BAG1: variants seen among roughly 807,000 people sequenced by gnomAD.
BAG1 encodes BAG cochaperone 1, also known as BAG family molecular chaperone regulator 1.
In BAG1, 35 loss-of-function variants were observed where a neutral mutation model predicts 35.5. That is an observed-to-expected ratio of 0.99 (90% CI 0.75 to 1.31). The LOEUF (loss-of-function observed/expected upper bound fraction) is 1.31, where lower values mean the gene tolerates loss of function less well. Among genes scored for constraint, BAG1 ranks in the 50% most tolerant of loss-of-function variants. The pLI is 0.00. For synonymous variants in BAG1, 191 were observed against 178.9 expected (o/e 1.07, Z -0.54); for missense variants, 464 against 453.6 (o/e 1.02, Z -0.21).
rs1820389133 is a variant in BAG1 at position 33,253,827 on chromosome 9, CTTTT to C, written c.*1388_*1391del. The C allele has an allele frequency of 1.4e-5, 2 of 138,442 alleles. No individual in the cohort carries two copies. The highest frequency in any genetic ancestry group is 4.2e-4 in the East Asian group (2 of 4,778). The allele number at this position is 138,442 out of a possible 1,614,324, so 8.6% of individuals were successfully genotyped here. A position where few individuals can be genotyped will look rare whatever the true frequency, so the allele number is the denominator to read the frequency against. On this transcript the variant is annotated 3_prime_UTR_variant, in exon 7 of 7. Transcript: ENST00000634734. ...ATGAGCACATAAACAGTTTTTTTTT[CTTTT>C]TATTTATCTACTTTTACTTACTTAA...
At chr9:33,256,983 G>T in intron 4 of BAG1, 75 bp from the exon 5 acceptor site, 2 of 1,097,570 alleles carry the variant, frequency 1.8e-6, no homozygotes, top group Non-Finnish European at 2.8e-6. Context: ...TACTAATGAT[G>T]CAATCACACT....
At chr9:33,264,203 C>T in intron 1 of BAG1, 21 bp downstream of exon 1, 1 of 1,579,258 alleles carries the variant, frequency 6.3e-7, no homozygotes, top group Non-Finnish European at 8.6e-7. Context: ...GCATGGAGCC[C>T]ACCTGGCGCC....
chr9:33,262,565 G>A (rs543447105), intron 2 of BAG1, 137 bp downstream of exon 2: 50 of 957,806 alleles, frequency 5.2e-5, no homozygotes, highest in Admixed American at 9.3e-5. Context: ...GCTGAGGCAG[G>A]AGAATCACTT....
chr9:33,264,180 G>A, intron 1 of BAG1, 44 bp downstream of exon 1: 1 of 1,543,288 alleles, frequency 6.5e-7, no homozygotes, highest in Non-Finnish European at 8.7e-7. Flanking sequence ...ACCCCGCCGG[G>A]CTTTCGGGAC....
At chr9:33,261,560 A>G (rs1188757431) in intron 2 of BAG1, among the ~76,000 whole-genome samples, 1 of 152,140 alleles carries the variant, frequency 6.6e-6, no homozygotes, top group East Asian at 1.9e-4. Context: ...CTGATGACAC[A>G]GTGTTATTAT....
chr9:33,256,711 A>G, intron 5 of BAG1, 90 bp downstream of exon 5: 1 of 1,074,536 alleles, frequency 9.3e-7, no homozygotes, highest in Non-Finnish European at 1.4e-6. Flanking sequence ...GGGTTTGCTC[A>G]GGCAATAGGA....
intron 6 of BAG1, 21 bp downstream of exon 6, chr9:33,255,844 G>A (rs1236933469): frequency 1.6e-5 from 25 of 1,603,078 alleles, no homozygotes; most frequent in Middle Eastern, 1.7e-4. Context: ...ACACCTTGTC[G>A]TGCACTATTA....
At chr9:33,259,984 T>G (rs1022314239) in intron 3 of BAG1, 2 of 152,224 alleles carry the variant, frequency 1.3e-5, no homozygotes, top group East Asian at 3.8e-4. Context: ...AGAGGTAGAT[T>G]AGACTTAAGT....
chr9:33,257,234 T>A, intron 4 of BAG1: 2 of 234,488 alleles, frequency 8.5e-6, no homozygotes, highest in Non-Finnish European at 8.3e-6. Flanking sequence ...AGCCTACGCC[T>A]GAAAACTGAC....
chr9:33,256,752 GAAAT>G (rs1564078788), intron 5 of BAG1, 45 bp downstream of exon 5: 1 of 1,472,702 alleles, frequency 6.8e-7, no homozygotes, highest in African/African-American at 1.4e-5. Context: ...GAATGTGACT[GAAAT>G]AAAGTCAAAG....
chr9:33,255,804 T>TAAAC, intron 6 of BAG1, 61 bp downstream of exon 6: 1 of 1,546,910 alleles, frequency 6.5e-7, no homozygotes, highest in South Asian at 1.1e-5. Flanking sequence ...TTTGAACAGA[T>TAAAC]AAACACACAT....
intron 6 of BAG1, 71 bp from the exon 7 acceptor site, chr9:33,255,379 G>A: frequency 3.1e-6 from 5 of 1,607,164 alleles, no homozygotes; most frequent in Non-Finnish European, 4.2e-6. Flanking sequence ...AAGGCTCCTT[G>A]CTTACCCATT....
chr9:33,258,118 C>G (rs545880554), intron 4 of BAG1: 1 of 151,872 alleles, frequency 6.6e-6, no homozygotes, highest in African/African-American at 2.4e-5. Flanking sequence ...TGGTGAAACC[C>G]CATCTCTATT....
rs565124425 is a variant in BAG1, at chr9:33,264,439, C to A, written c.236G>T (p.Arg79Leu). The A allele has an allele frequency of 2.4e-5, 38 of 1,613,658 alleles. No homozygotes were observed. In the Admixed American group the frequency reaches 2.7e-4, roughly 11 times the overall value. ...GGTCAACTCCTCGCTCCGGGTCGAG[C>A]GGCGCCGGGTTTTCTTCTTCATCCG... The change falls in exon 1 of 7, where the codon CGC becomes CTC. Residue 79 changes from arginine to leucine, a missense_variant. Arg to Leu is a moderately radical substitution (Grantham distance 102). Transcript: ENST00000634734.
At position 33,255,272 on chromosome 9, in the gene BAG1, T is replaced by C; in HGVS notation, c.985A>G (p.Ile329Val). The change falls in exon 7 of 7, where the codon ATC becomes GTC. Residue 329 changes from isoleucine (I) to valine (V), a missense_variant. Coordinates refer to ENST00000634734, the MANE Select transcript of BAG1 (RefSeq NM_004323.6). ...TGCAGCCGCTCAGTCTCCTGGCAGA[T>C]GTTCTGCTCCACTGTGTCACACTCG... 1 of 1,614,218 alleles carries C rather than the reference T, an allele frequency of 6.2e-7. No homozygotes were observed. Among genetic ancestry groups the C allele is most frequent in the Non-Finnish European group, 8.5e-7 (1 of 1,180,042 alleles).
chr9:33,261,788 G>C (rs1820576303), intron 2 of BAG1: 1 of 804,082 alleles, frequency 1.2e-6, no homozygotes, highest in Non-Finnish European at 1.5e-6. Flanking sequence ...ATACCAGAAT[G>C]ATAGATTCTC....
chr9:33,256,006 G>A (rs1820445337), intron 5 of BAG1, 79 bp from the exon 6 acceptor site: 5 of 1,352,940 alleles, frequency 3.7e-6, no homozygotes, highest in South Asian at 1.2e-5. Flanking sequence ...AATGACATGA[G>A]AGCACATAAG....
At chr9:33,262,088 T>C in intron 2 of BAG1, 5 of 1,282,958 alleles carry the variant, frequency 3.9e-6, no homozygotes, top group South Asian at 1.2e-5. Context: ...TAACATATAA[T>C]GGGAAGATGA....
At chr9:33,261,390 C>A (rs1431052494) in intron 2 of BAG1, among the ~76,000 whole-genome samples, 1 of 152,172 alleles carries the variant, frequency 6.6e-6, no homozygotes, top group Non-Finnish European at 1.5e-5. Context: ...TTCAGTGCAA[C>A]CTTTTCATAA....
Sources: gnomAD v4.1 joint callset for allele counts (sites outside exome capture counted in the v4.1 genomes callset) on GRCh38, gnomAD v4.1.1 for gene constraint, MANE v1.5 for transcripts, NCBI Gene and HGNC (gene_info 2026-07-23, HGNC 2026-07-21) for gene names.